SOX6: variants seen among roughly 807,000 people sequenced by gnomAD.
The protein encoded by SOX6 is transcription factor SOX-6.
Under a neutral mutation model 97.8 loss-of-function variants are expected in SOX6, and 11 were observed. The ratio of observed to expected loss-of-function variants is 0.11; its 90% confidence interval spans 0.07 to 0.19. The LOEUF (loss-of-function observed/expected upper bound fraction) is 0.19, where lower values mean the gene tolerates loss of function less well. Ranked by LOEUF, SOX6 falls within the 10% of genes least tolerant of loss-of-function variation. The pLI, the probability that SOX6 is intolerant of heterozygous loss-of-function variation, is 1.00. For synonymous variants in SOX6, 360 were observed against 371.4 expected, an observed-to-expected ratio of 0.97 and a Z score of 0.35; for missense variants, 810 against 1,039.5, an observed-to-expected ratio of 0.78 and a Z score of 3.04.
intron 3 of SOX6, among the ~76,000 whole-genome samples, chr11:16,292,973 G>A (rs987651185): frequency 1.4e-4 from 21 of 152,128 alleles, no homozygotes; most frequent in African/African-American, 4.1e-4. Context: ...CATTTAAACC[G>A]CTTAATCTCA....
At chr11:16,151,479 C>G (rs1391289888) in intron 6 of SOX6, among the ~76,000 whole-genome samples, 1 of 152,124 alleles carries the variant, frequency 6.6e-6, no homozygotes, top group Non-Finnish European at 1.5e-5. Flanking sequence ...GACACAATCC[C>G]TGCAGACACC....
intron 4 of SOX6, among the ~76,000 whole-genome samples, chr11:16,516,048 T>C (rs1860966089): frequency 1.3e-5 from 2 of 151,634 alleles, no homozygotes; most frequent in East Asian, 3.9e-4. Context: ...TTTGGTTCCA[T>C]ATGAACTTTA....
At chr11:16,375,310 T>C (rs1017654229) in intron 1 of SOX6, among the ~76,000 whole-genome samples, 1 of 152,096 alleles carries the variant, frequency 6.6e-6, no homozygotes, top group African/African-American at 2.4e-5. Flanking sequence ...AAATCAGATT[T>C]TTTGCATCAC....
At chr11:16,447,368 G>A (rs1009517934) in intron 1 of SOX6, among the ~76,000 whole-genome samples, 11 of 152,074 alleles carry the variant, frequency 7.2e-5, no homozygotes, top group African/African-American at 2.4e-4. Flanking sequence ...ATAAAAATGG[G>A]TACAGTAATA....
intron 3 of SOX6, among the ~76,000 whole-genome samples, chr11:16,304,971 GAA>G (rs146056109): frequency 1.4e-5 from 2 of 145,660 alleles, no homozygotes; most frequent in Non-Finnish European, 3.0e-5. Context: ...ACATCTTTCA[GAA>G]AAAAAAAAGG....
chr11:16,170,790 T>C (rs545467600), intron 6 of SOX6, among the ~76,000 whole-genome samples: 13 of 152,164 alleles, frequency 8.5e-5, no homozygotes, highest in Middle Eastern at 3.4e-3. Flanking sequence ...TTGTGCATTC[T>C]CATTTCCAAA....
chr11:16,091,350 C>T (rs1370488683), intron 9 of SOX6, among the ~76,000 whole-genome samples: 2 of 152,052 alleles, frequency 1.3e-5, no homozygotes, highest in African/African-American at 4.8e-5. Context: ...ACCCTCTTCT[C>T]TATTAGAAAT....
At chr11:16,145,608 T>A (rs999984343) in intron 6 of SOX6, among the ~76,000 whole-genome samples, 1 of 152,192 alleles carries the variant, frequency 6.6e-6, no homozygotes, top group African/African-American at 2.4e-5. Context: ...AACCCCATCG[T>A]CTCAGCCCAA....
In SOX6 at chr11:16,055,823, T is replaced by C. The variant is rs781449134; in HGVS notation, c.1180A>G (p.Thr394Ala). 3.7e-6 allele frequency: 6 copies of C among 1,613,720 alleles called. No homozygotes were observed. The South Asian group carries it at 6.6e-5, about 18-fold the overall frequency. Residue 394 changes from threonine to alanine, a missense_variant, in exon 10 of 16, where the codon ACA becomes GCA. Physicochemically the swap from Thr to Ala is moderately conservative, Grantham distance 58. Coordinates refer to ENST00000683767, the MANE Select transcript of SOX6 (RefSeq NM_001367873.1). ...CCAGTAGGTGAGACCGTCCCTGCTG[T>C]GTTTGGTGGCTGTGGAGTTGATGGC... is the stretch of plus-strand genomic sequence containing the variant. ...KMPSTPQPPN[T>A]AGTVSPTGIK...
chr11:16,695,841 A>AAC (rs1554901213), intron 3 of SOX6, among the ~76,000 whole-genome samples: 5 of 151,582 alleles, frequency 3.3e-5, no homozygotes, highest in Non-Finnish European at 5.9e-5. Flanking sequence ...GAAAAAAAAA[A>AAC]ACACACACAC....
chr11:16,531,759 C>T (rs541275388), intron 4 of SOX6, among the ~76,000 whole-genome samples: 20 of 152,004 alleles, frequency 1.3e-4, no homozygotes, highest in African/African-American at 4.6e-4. Flanking sequence ...CACTCATACT[C>T]GCTAATCTTT....
At chr11:16,583,121 A>G (rs1489294800) in intron 4 of SOX6, among the ~76,000 whole-genome samples, 2 of 152,026 alleles carry the variant, frequency 1.3e-5, no homozygotes, top group Admixed American at 1.3e-4. Flanking sequence ...TTGGCACATA[A>G]TATATTCAAT....
At chr11:16,155,379 C>T (rs1005240856) in intron 6 of SOX6, among the ~76,000 whole-genome samples, 4 of 152,138 alleles carry the variant, frequency 2.6e-5, no homozygotes, top group Non-Finnish European at 5.9e-5. Flanking sequence ...ATAATATTAC[C>T]TACCTCAATG....
chr11:16,274,263 G>C (rs1854334046), intron 3 of SOX6, among the ~76,000 whole-genome samples: 1 of 151,680 alleles, frequency 6.6e-6, no homozygotes. Flanking sequence ...TTCTACCTTG[G>C]TTTCTTCTTT....
intron 12 of SOX6, among the ~76,000 whole-genome samples, chr11:16,038,669 A>G (rs1475977922): frequency 6.6e-6 from 1 of 152,144 alleles, no homozygotes; most frequent in South Asian, 2.1e-4. Flanking sequence ...TTATCTTTCC[A>G]CTTCACATGT....
chr11:16,398,811 G>T (rs1185647305), intron 1 of SOX6, among the ~76,000 whole-genome samples: 1 of 42,114 alleles, frequency 2.4e-5, no homozygotes, highest in Non-Finnish European at 4.8e-5. Flanking sequence ...AAAAGATAAA[G>T]GCTATGGAAA....
chr11:16,535,515 T>C (rs572598493), intron 4 of SOX6, among the ~76,000 whole-genome samples: 5 of 151,976 alleles, frequency 3.3e-5, no homozygotes, highest in African/African-American at 1.2e-4. Context: ...CTACAAAAAA[T>C]ACAAAAATTA....
intron 12 of SOX6, among the ~76,000 whole-genome samples, chr11:16,017,966 C>T (rs946040610): frequency 6.6e-6 from 1 of 152,092 alleles, no homozygotes; most frequent in African/African-American, 2.4e-5. Flanking sequence ...GCAATGTGAT[C>T]AGACACTTAC....
intron 3 of SOX6, among the ~76,000 whole-genome samples, chr11:16,644,383 C>T (rs535243798): frequency 6.6e-6 from 1 of 152,292 alleles, no homozygotes; most frequent in South Asian, 2.1e-4. Flanking sequence ...TATATAACCA[C>T]ACCTAGCAAC....
Sources: gnomAD v4.1 joint callset for allele counts (sites outside exome capture counted in the v4.1 genomes callset) on GRCh38, gnomAD v4.1.1 for gene constraint, MANE v1.5 for transcripts, NCBI Gene and HGNC (gene_info 2026-07-23, HGNC 2026-07-21) for gene names.